Variants in LY6D observed in about 807,000 individuals in gnomAD.
The protein encoded by LY6D is lymphocyte antigen 6D.
Under a neutral mutation model 5.6 loss-of-function variants are expected in LY6D, and 7 were observed. The ratio of observed to expected loss-of-function variants is 1.24; its 90% CI spans 0.71 to 2.34. The LOEUF is 2.34. LY6D is among the 30% of genes most tolerant of loss of function. The pLI is 0.00. For synonymous variants in LY6D, 81 were observed against 75.0 expected, an observed-to-expected ratio of 1.08 and a Z score of -0.41; for missense variants, 148 against 164.8, an observed-to-expected ratio of 0.90 and a Z score of 0.56.
chr8:142,785,726 G>A (rs1815644646), intron 1 of LY6D, 39 bp from the exon 2 acceptor site: 3 of 1,610,182 alleles, frequency 1.9e-6, no homozygotes, highest in East Asian at 4.5e-5. Context: ...GCCCAACAGA[G>A]GCCTCCTGGT....
chr8:142,786,294 T>C, intron 1 of LY6D, 171 bp downstream of exon 1: 4 of 1,368,550 alleles, frequency 2.9e-6, no homozygotes, highest in Non-Finnish European at 2.8e-6. Flanking sequence ...ACATTGTAAA[T>C]CTGACACTCG....
At chr8:142,785,747 G>A (rs1815645032) in intron 1 of LY6D, 60 bp from the exon 2 acceptor site, 4 of 1,596,624 alleles carry the variant, frequency 2.5e-6, no homozygotes, top group Non-Finnish European at 3.4e-6. Context: ...GACTCAGCAG[G>A]GCCTGCTCCC....
At chr8:142,786,220 C>G in intron 1 of LY6D, 11 of 1,342,684 alleles carry the variant, frequency 8.2e-6, no homozygotes, top group Non-Finnish European at 1.0e-5. Flanking sequence ...CAAGACAACC[C>G]CCTGCTCCAC....
At position 142,785,027 on chromosome 8, in the gene LY6D, C is replaced by T. The variant is rs1019065464; in HGVS notation, c.*194G>A. On this transcript the variant is annotated 3_prime_UTR_variant, in exon 3 of 3. Coordinates refer to ENST00000301263, the MANE Select transcript of LY6D (RefSeq NM_003695.3). ...GGGGGCTGCATCCTCTGTGGGGTGG[C>T]TTCATCCTCTGTGGGGTCTGTGGGG... is the stretch of plus-strand genomic sequence containing the variant. 1.4e-5 allele frequency: 8 copies of T among 582,740 alleles called. No individual in the cohort carries two copies. In the South Asian group the frequency reaches 1.6e-4, roughly 11 times the overall value. The allele number at this position is 582,740 out of a possible 1,614,324, so 36.1% of individuals were successfully genotyped here. A position where few individuals can be genotyped will look rare whatever the true frequency, so the allele number is the denominator to read the frequency against.
chr8:142,785,909 C>T, intron 1 of LY6D: 2 of 1,409,580 alleles, frequency 1.4e-6, no homozygotes, highest in Admixed American at 5.9e-5. Context: ...AGGTGTCCTG[C>T]CCTGCCCCTG....
At position 142,785,082 on chromosome 8, in the gene LY6D, C is replaced by T; in HGVS notation, c.*139G>A. ...CTCCAAGTCATCAGCATTCCATGCC[C>T]ACCTGGACCTGGTCCCAGACTTTCG... On this transcript the variant is annotated 3_prime_UTR_variant, in exon 3 of 3. Coordinates refer to ENST00000301263, the MANE Select transcript of LY6D (RefSeq NM_003695.3). 1 of 673,250 alleles carries T rather than the reference C, an allele frequency of 1.5e-6. No individual in the cohort carries two copies. The highest frequency in any genetic ancestry group is 2.5e-6 in the Non-Finnish European group (1 of 403,236). 41.7% of individuals were successfully genotyped at this position (673,250 alleles called of 1,614,324 possible).
At chr8:142,786,349 A>C in intron 1 of LY6D, 116 bp downstream of exon 1, 3 of 1,429,352 alleles carry the variant, frequency 2.1e-6, no homozygotes, top group East Asian at 2.6e-5. Context: ...AGAGTCTAGC[A>C]CCCACAGTGT....
chr8:142,784,927 T>C lies in LY6D; in HGVS notation c.*294A>G, dbSNP rs1329052728. The C allele has an allele frequency of 2.3e-6, 1 of 439,994 alleles. No individual in the cohort carries two copies. The highest frequency in any genetic ancestry group is 4.1e-6 in the Non-Finnish European group (1 of 244,400). 27.3% of individuals were successfully genotyped at this position (439,994 alleles called of 1,614,324 possible). On this transcript the variant is annotated 3_prime_UTR_variant, in exon 3 of 3. Coordinates refer to ENST00000301263, the MANE Select transcript of LY6D (RefSeq NM_003695.3). The stretch of plus-strand genomic sequence containing the variant: ...CCATGTAGAGATTTGAGTACAAAAA[T>C]AAACGGCAACAAAACAGAAGGAGTG...
In LY6D at chr8:142,785,217, A is replaced by C. The variant is rs573349766; in HGVS notation, c.*4T>G. The C allele has an allele frequency of 6.3e-7, 1 of 1,592,074 alleles. No individual in the cohort carries two copies. Among genetic ancestry groups the C allele is most frequent in the South Asian group, 1.1e-5 (1 of 90,288 alleles). On this transcript the variant is annotated 3_prime_UTR_variant, in exon 3 of 3. Transcript: ENST00000301263. ...GGCATGAGGGGCCTTCCCTGGGGGG[A>C]AGGTCACAGGCTGGGGGCTAAGATG...
In LY6D at chr8:142,784,954, G is replaced by C; in HGVS notation, c.*267C>G. 2.0e-6 allele frequency: 1 copy of C among 489,736 alleles called. No homozygotes were observed. Among genetic ancestry groups the C allele is most frequent in the South Asian group, 4.1e-5 (1 of 24,426 alleles). The allele number at this position is 489,736 out of a possible 1,614,324, so 30.3% of individuals were successfully genotyped here. The stretch of plus-strand genomic sequence containing the variant: ...AACGGCAACAAAACAGAAGGAGTGT[G>C]AAATCCGGGGATCCACAGGGCTTCT... On this transcript the variant is annotated 3_prime_UTR_variant, in exon 3 of 3. Transcript: ENST00000301263.
Position 142,784,908 on chromosome 8 carries a change from A to C in LY6D, c.*313T>G. The C allele has an allele frequency of 7.8e-6, 3 of 383,700 alleles. No homozygotes were observed. Among genetic ancestry groups the C allele is most frequent in the South Asian group, 4.7e-5 (1 of 21,190 alleles). 23.8% of individuals were successfully genotyped at this position (383,700 alleles called of 1,614,324 possible). On this transcript the variant is annotated 3_prime_UTR_variant, in exon 3 of 3. Transcript: ENST00000301263. ...TGGTTTAAATCATTTATCTCCATGT[A>C]GAGATTTGAGTACAAAAATAAACGG... is the stretch of plus-strand genomic sequence containing the variant.
Position 142,785,338 on chromosome 8 carries a change from GTCCTCC to G in LY6D, c.264_269del (p.Gln88_Asp90delinsHis). 6.2e-7 allele frequency: 1 copy of G among 1,613,748 alleles called. No individual in the cohort carries two copies. The highest frequency in any genetic ancestry group is 8.5e-7 in the Non-Finnish European group (1 of 1,179,932). On this transcript the variant is annotated inframe_deletion, in exon 3 of 3. Coordinates refer to ENST00000301263, the MANE Select transcript of LY6D (RefSeq NM_003695.3). ...CGTTGTGCAGCTTCTCATTGCACAG[GTCCTCC>G]TGGCAGCACTGGGTGGAGCTGGTGC...
chr8:142,785,911 C>G, intron 1 of LY6D: 1 of 1,407,386 alleles, frequency 7.1e-7, no homozygotes, highest in Non-Finnish European at 9.2e-7. Flanking sequence ...GTGTCCTGCC[C>G]TGCCCCTGTC....
intron 1 of LY6D, 104 bp from the exon 2 acceptor site, chr8:142,785,791 T>A (rs1815645717): frequency 6.6e-7 from 1 of 1,509,606 alleles, no homozygotes; most frequent in South Asian, 1.3e-5. Flanking sequence ...ACAGAGGCCC[T>A]GCTGCCCTTG....
chr8:142,785,337 G>A lies in LY6D; in HGVS notation c.271C>T (p.Leu91=). 1 of 1,613,800 alleles carries A rather than the reference G, an allele frequency of 6.2e-7. No individual in the cohort carries two copies. Among genetic ancestry groups the A allele is most frequent in the Non-Finnish European group, 8.5e-7 (1 of 1,179,952 alleles). Reference sequence around the variant, plus strand: ...GCGTTGTGCAGCTTCTCATTGCACAGGTCCTCCTGGCAGCACTGGGTGGAG... The same window carrying A: ...GCGTTGTGCAGCTTCTCATTGCACAAGTCCTCCTGGCAGCACTGGGTGGAG... ...TSSTQCCQED[L]CNEKLHNAAP... is the part of the protein sequence containing the mutation. Residue 91 remains leucine (L), a synonymous_variant, in exon 3 of 3, where the codon CTG becomes TTG. Coordinates refer to ENST00000301263, the MANE Select transcript of LY6D (RefSeq NM_003695.3).
Position 142,785,384 on chromosome 8 carries a change from C to G in LY6D, c.224G>C (p.Gly75Ala). 1.2e-6 allele frequency: 2 copies of G among 1,613,572 alleles called. No individual in the cohort carries two copies. The highest frequency in any genetic ancestry group is 4.5e-5 in the East Asian group (2 of 44,876). The change falls in exon 3 of 3, where the codon GGC becomes GCC. Residue 75 changes from glycine (G) to alanine (A), a missense_variant. By Grantham distance (60) the Gly-to-Ala change is moderately conservative. Coordinates refer to ENST00000301263, the MANE Select transcript of LY6D (RefSeq NM_003695.3). ...ESCTPSYTLQ[G>A]QVSSGTSSTQ... ...GGAGCTGGTGCCGCTGCTGACCTGG[C>G]CTTGCAGGGTGTAGCTGGGTGTGCA...
intron 1 of LY6D, chr8:142,786,124 G>A (rs919388353): frequency 5.7e-6 from 7 of 1,235,034 alleles, no homozygotes; most frequent in East Asian, 3.9e-5. Context: ...CCTTTGGGCT[G>A]TCCTGGGCTG....
intron 1 of LY6D, 64 bp from the exon 2 acceptor site, chr8:142,785,751 T>C (rs1815645093): frequency 3.1e-6 from 5 of 1,593,532 alleles, no homozygotes; most frequent in Non-Finnish European, 4.3e-6. Context: ...CAGCAGGGCC[T>C]GCTCCCCCAC....
Position 142,785,611 on chromosome 8 carries a change from G to A in LY6D, c.129C>T (p.Arg43=), listed in dbSNP as rs1448526580. The change falls in exon 2 of 3, where the codon CGC becomes CGT. Residue 43 remains arginine (R), a synonymous_variant. Transcript: ENST00000301263. ...CACCTGTGTTCGTGGTCTTGCAGAA[G>A]CGAGAGCTGGCCGGGCAGACCACAG... ...KHSVVCPASS[R]FCKTTNTVEP... The A allele has an allele frequency of 6.2e-7, 1 of 1,613,720 alleles. No homozygotes were observed. Among genetic ancestry groups the A allele is most frequent in the Non-Finnish European group, 8.5e-7 (1 of 1,179,980 alleles).
Sources: allele counts gnomAD v4.1 joint callset, GRCh38; gene constraint gnomAD v4.1.1; transcripts MANE v1.5; gene names NCBI Gene and HGNC (gene_info 2026-07-23, HGNC 2026-07-21).